Variants in BMPR2 observed in about 807,000 individuals in gnomAD.
The protein encoded by BMPR2 is bone morphogenetic protein receptor type 2.
Under a neutral mutation model 100.8 loss-of-function variants are expected in BMPR2, and 29 were observed. That is an observed-to-expected ratio of 0.29 (90% CI 0.21 to 0.39). The LOEUF (loss-of-function observed/expected upper bound fraction) is 0.39. BMPR2 is among the 10% of genes least tolerant of loss of function. The pLI is 1.00. For missense variants in BMPR2, 1,011 were observed against 1,274.5 expected (o/e 0.79, Z 3.15); for synonymous variants, 382 against 442.3 (o/e 0.86, Z 1.71).
intron 1 of BMPR2, among the ~76,000 whole-genome samples, chr2:202,377,822 A>G (rs1200526131): frequency 6.6e-6 from 1 of 152,204 alleles, no homozygotes; most frequent in Non-Finnish European, 1.5e-5. Context: ...GTATCTTGAC[A>G]TTTTTAGCTG....
chr2:202,414,119 C>G (rs1312509077), intron 1 of BMPR2, among the ~76,000 whole-genome samples: 2 of 152,182 alleles, frequency 1.3e-5, no homozygotes, highest in Non-Finnish European at 2.9e-5. Context: ...CACCATTTTT[C>G]CAACAGCATG....
In BMPR2 at chr2:202,485,545, C is replaced by CTTT. The variant is rs762096820; in HGVS notation, c.418+17873_418+17875dup. On this transcript the variant is annotated intron_variant, in intron 3 of 12. Coordinates refer to ENST00000374580, the MANE Select transcript of BMPR2 (RefSeq NM_001204.7). ...GTCTCAAATCTCCCTTTGCCTTTAT[C>CTTT]TTTTTTTTTTTTTTTTTTTGAGACA... is the stretch of plus-strand genomic sequence containing the variant. 3.6e-4 allele frequency among the ~76,000 whole-genome samples: 23 copies of CTTT among 64,018 alleles called. 5 individuals carry two copies. The highest frequency in any genetic ancestry group is 1.9e-3 in the South Asian group (2 of 1,038). The allele number at this position is 64,018 out of a possible 152,430, so 42.0% of individuals were successfully genotyped here. A position where few individuals can be genotyped will look rare whatever the true frequency, so the allele number is the denominator to read the frequency against.
Position 202,562,209 on chromosome 2 carries a change from G to A in BMPR2, c.*2263G>A, listed in dbSNP as rs1053171609. 1 of 152,422 alleles carries A rather than the reference G, an allele frequency of 6.6e-6. No homozygotes were observed. The highest frequency in any genetic ancestry group is 2.4e-5 in the African/African-American group (1 of 41,446). The allele number at this position is 152,422 out of a possible 1,614,324, so 9.4% of individuals were successfully genotyped here. ...AGGTCTAACTGATCTTTTCCTGCCA[G>A]AAGAGTTATCTTACGTTCTGCTATA... On this transcript the variant is annotated 3_prime_UTR_variant, in exon 13 of 13. Transcript: ENST00000374580.
intron 1 of BMPR2, among the ~76,000 whole-genome samples, chr2:202,422,085 T>G (rs1446129129): frequency 2.0e-5 from 3 of 151,916 alleles, no homozygotes; most frequent in South Asian, 4.2e-4. Context: ...ATTTTTGTAT[T>G]TTTAGTAGAG....
At chr2:202,485,688 A>G (rs1284551189) in intron 3 of BMPR2, among the ~76,000 whole-genome samples, 1 of 151,158 alleles carries the variant, frequency 6.6e-6, no homozygotes, top group African/African-American at 2.4e-5. Context: ...CTGGGACTAC[A>G]GTTGCACACG....
At chr2:202,481,164 C>T (rs371292662) in intron 3 of BMPR2, among the ~76,000 whole-genome samples, 1 of 148,422 alleles carries the variant, frequency 6.7e-6, no homozygotes, top group Admixed American at 6.8e-5. Flanking sequence ...TCTTTCTCTT[C>T]TCTTTTCTCT....
chr2:202,534,712 T>A (rs1404268656), intron 9 of BMPR2, among the ~76,000 whole-genome samples: 3 of 151,470 alleles, frequency 2.0e-5, no homozygotes. Flanking sequence ...TCCCCACCTT[T>A]CCCGCCTTTC....
intron 10 of BMPR2, among the ~76,000 whole-genome samples, chr2:202,549,009 T>C (rs1688424307): frequency 6.6e-6 from 1 of 152,178 alleles, no homozygotes. Context: ...AGAAGATTTC[T>C]TGTGCCCTTT....
At chr2:202,404,154 T>C (rs1690831203) in intron 1 of BMPR2, among the ~76,000 whole-genome samples, 1 of 151,826 alleles carries the variant, frequency 6.6e-6, no homozygotes, top group South Asian at 2.1e-4. Flanking sequence ...AATGACTTAT[T>C]GTCATTTTAG....
chr2:202,490,923 T>C, intron 3 of BMPR2, among the ~76,000 whole-genome samples: 1 of 152,098 alleles, frequency 6.6e-6, no homozygotes, highest in Admixed American at 6.5e-5. Flanking sequence ...TTTTTGTTTT[T>C]TGTTTTGTTT....
chr2:202,481,762 T>C (rs1692663852), intron 3 of BMPR2, among the ~76,000 whole-genome samples: 1 of 152,244 alleles, frequency 6.6e-6, no homozygotes, highest in Admixed American at 6.5e-5. Context: ...TTCAGAGCAG[T>C]GTTTTCTGTC....
chr2:202,533,284 G>T (rs540577285), intron 9 of BMPR2, among the ~76,000 whole-genome samples: 2 of 151,914 alleles, frequency 1.3e-5, no homozygotes, highest in Admixed American at 1.3e-4. Flanking sequence ...AGGTGCGGTG[G>T]CTCATGCCTA....
intron 1 of BMPR2, among the ~76,000 whole-genome samples, chr2:202,383,204 G>A (rs981536810): frequency 7.9e-5 from 12 of 152,202 alleles, no homozygotes; most frequent in Admixed American, 3.9e-4. Context: ...GCCAAGGCAG[G>A]CGGATCACTT....
chr2:202,520,270 T>C (rs1687798267), intron 7 of BMPR2, 69 bp downstream of exon 7: 3 of 1,008,154 alleles, frequency 3.0e-6, no homozygotes, highest in East Asian at 5.0e-5. Flanking sequence ...ATTTTAATTA[T>C]ATCTTCAAAG....
chr2:202,377,968 C>T (rs1007879669), intron 1 of BMPR2, among the ~76,000 whole-genome samples: 4 of 152,184 alleles, frequency 2.6e-5, no homozygotes, highest in Middle Eastern at 3.2e-3. Context: ...GTAAAAAGAA[C>T]ATCAACTAGA....
At chr2:202,517,335 C>CA (rs1384106343) in intron 5 of BMPR2, among the ~76,000 whole-genome samples, 2 of 135,404 alleles carry the variant, frequency 1.5e-5, no homozygotes, top group African/African-American at 2.7e-5. Context: ...GTTATTTTAT[C>CA]TTTTTTTTTT....
intron 7 of BMPR2, among the ~76,000 whole-genome samples, chr2:202,521,721 GTTGTACAGGGTA>G (rs1687822162): frequency 6.6e-6 from 1 of 152,184 alleles, no homozygotes. Flanking sequence ...TGAGCCTGGT[GTTGTACAGGGTA>G]TTTATGGATG....
chr2:202,450,162 ACTTTGTG>A (rs1288217399), intron 1 of BMPR2, among the ~76,000 whole-genome samples: 2 of 152,096 alleles, frequency 1.3e-5, no homozygotes, highest in Non-Finnish European at 2.9e-5. Flanking sequence ...CTTGAGTACG[ACTTTGTG>A]CTGAATTCTG....
intron 1 of BMPR2, among the ~76,000 whole-genome samples, chr2:202,447,681 C>T (rs940230965): frequency 9.3e-5 from 14 of 150,398 alleles, no homozygotes. Context: ...CCCTGTCTCA[C>T]ATACACAAGA....
Sources: allele counts gnomAD v4.1 joint callset (sites outside exome capture counted in the v4.1 genomes callset), GRCh38; gene constraint gnomAD v4.1.1; transcripts MANE v1.5; gene names NCBI Gene and HGNC (gene_info 2026-07-23, HGNC 2026-07-21).